The following CAPZB variants were observed in gnomAD, a reference collection of about 807,000 sequenced individuals.
CAPZB encodes F-actin-capping protein subunit beta.
CAPZB carries 2 observed loss-of-function variants against 38.1 expected under a neutral mutation model. The observed-to-expected ratio is 0.05, with a 90% CI of 0.02 to 0.17. The LOEUF (loss-of-function observed/expected upper bound fraction) is 0.17, where lower values mean the gene tolerates loss of function less well. Among genes scored for constraint, CAPZB ranks in the 10% least tolerant of loss-of-function variants. The pLI, the probability that CAPZB is intolerant of heterozygous loss-of-function variation, is 1.00. For missense variants in CAPZB, 161 were observed against 334.2 expected, an observed-to-expected ratio of 0.48 and a Z score of 4.04; for synonymous variants, 107 against 127.4, an observed-to-expected ratio of 0.84 and a Z score of 1.08.
chr1:19,452,357 G>T (rs2094518927), intron 1 of CAPZB, among the ~76,000 whole-genome samples: 1 of 152,214 alleles, frequency 6.6e-6, no homozygotes, highest in Non-Finnish European at 1.5e-5. Flanking sequence ...GGCTCCAGGG[G>T]AGCAAAGGAA....
At chr1:19,449,024 GC>G in intron 1 of CAPZB, 1 of 1,523,776 alleles carries the variant, frequency 6.6e-7, no homozygotes, top group Non-Finnish European at 8.9e-7. Flanking sequence ...GCTGCTCGCT[GC>G]CCGCTCCTGA....
chr1:19,452,907 G>A (rs2094521413), intron 1 of CAPZB, among the ~76,000 whole-genome samples: 1 of 150,118 alleles, frequency 6.7e-6, no homozygotes, highest in South Asian at 2.1e-4. Flanking sequence ...GAGTTCAAGC[G>A]ATTCACCTGC....
At chr1:19,415,877 C>T (rs568867823) in intron 2 of CAPZB, among the ~76,000 whole-genome samples, 1 of 152,378 alleles carries the variant, frequency 6.6e-6, no homozygotes, top group East Asian at 1.9e-4. Context: ...CATGCATTAC[C>T]AGATCCTAAT....
At position 19,369,608 on chromosome 1, in the gene CAPZB, G is replaced by A. The variant is rs972996398; in HGVS notation, c.329+8932C>T. 3.3e-5 allele frequency among the ~76,000 whole-genome samples: 5 copies of A among 152,200 alleles called. No homozygotes were observed. In the East Asian group the frequency reaches 5.8e-4, roughly 18 times the overall value. On this transcript the variant is annotated intron_variant, in intron 4 of 8. Transcript: ENST00000264202. ...TGTGGACATGCCAGAAGCCAGAGAC[G>A]GCCTGGCTCCACCCTGCTGTCCCGA...
chr1:19,449,755 GC>G (rs1433387261), intron 1 of CAPZB, among the ~76,000 whole-genome samples: 1 of 144,522 alleles, frequency 6.9e-6, no homozygotes, highest in Non-Finnish European at 1.5e-5. Flanking sequence ...CTGCACTCTA[GC>G]CTGGTTGACA....
chr1:19,377,757 T>C (rs915998604), intron 4 of CAPZB, among the ~76,000 whole-genome samples: 3 of 152,264 alleles, frequency 2.0e-5, no homozygotes, highest in Non-Finnish European at 4.4e-5. Context: ...TGGCTAACTT[T>C]CTCTGGAGCC....
intron 1 of CAPZB, among the ~76,000 whole-genome samples, chr1:19,472,345 G>A (rs1409846831): frequency 6.6e-6 from 1 of 152,136 alleles, no homozygotes; most frequent in African/African-American, 2.4e-5. Context: ...AACATCTCTG[G>A]GTGGCTCAAA....
chr1:19,449,585 C>T lies in CAPZB; in HGVS notation c.4-29835G>A, dbSNP rs1276123303. Among the ~76,000 whole-genome samples, 3 of 151,946 alleles carry T rather than the reference C, an allele frequency of 2.0e-5. No individual in the cohort carries two copies. In the East Asian group the frequency reaches 5.8e-4, roughly 29 times the overall value. ...GGCAGATCACTTGAGATCAGGAGTT[C>T]GAGACCAGCCTGGCTGACACGGCAA... On this transcript the variant is annotated intron_variant, in intron 1 of 8. Transcript: ENST00000264202.
intron 4 of CAPZB, among the ~76,000 whole-genome samples, chr1:19,365,827 T>A (rs928169912): frequency 1.4e-5 from 2 of 145,580 alleles, no homozygotes; most frequent in Non-Finnish European, 3.0e-5. Context: ...AGAGTGAAAC[T>A]CCGTCTCAAA....
At position 19,356,773 on chromosome 1, in the gene CAPZB, C is replaced by G; in HGVS notation, c.472-22G>C. ...TCTCCTGGAAGGACAAGACAGAGAT[C>G]TGTTGAGCTGAGGGAGAGCCTGAAG... On this transcript the variant is annotated intron_variant, in intron 5 of 8. Transcript: ENST00000264202. This position sits in a 1 kb window ranked among gnomAD's most constrained non-coding sequence, Gnocchi z 4.3. 1 of 1,554,602 alleles carries G rather than the reference C, an allele frequency of 6.4e-7. No homozygotes were observed.
intron 6 of CAPZB, among the ~76,000 whole-genome samples, chr1:19,352,750 G>T (rs1297409835): frequency 6.6e-6 from 1 of 152,254 alleles, no homozygotes; most frequent in East Asian, 1.9e-4. Flanking sequence ...TGTTTACCTT[G>T]TCTTCCAGTT....
At chr1:19,428,339 G>T (rs939353314) in intron 1 of CAPZB, among the ~76,000 whole-genome samples, 64 of 151,838 alleles carry the variant, frequency 4.2e-4, no homozygotes, top group African/African-American at 1.5e-3. Context: ...GAAGGCGAAG[G>T]TTGCAGTGAG....
Position 19,385,650 on chromosome 1 carries a change from C to T in CAPZB, c.94-24G>A, listed in dbSNP as rs185311361. 1,132 of 1,614,068 alleles carry T rather than the reference C, an allele frequency of 7.0e-4. 4 individuals are homozygous for T. In the African/African-American group the frequency reaches 0.013, roughly 18 times the overall value. ...ACCTGGCAGAGAGAAAGGACAAGGTCGAAACAGAGGTTAAAACAGCACACC... is the reference window on the plus strand; with the variant it reads ...ACCTGGCAGAGAGAAAGGACAAGGTTGAAACAGAGGTTAAAACAGCACACC... On this transcript the variant is annotated intron_variant, in intron 2 of 8. Coordinates refer to ENST00000264202, the MANE Select transcript of CAPZB (RefSeq NM_004930.5).
chr1:19,463,296 G>A (rs1207370990), intron 1 of CAPZB, among the ~76,000 whole-genome samples: 5 of 152,128 alleles, frequency 3.3e-5, no homozygotes, highest in Non-Finnish European at 7.4e-5. Context: ...CACTTGTGCC[G>A]CTCTTCTCCA....
At position 19,436,707 on chromosome 1, in the gene CAPZB, T is replaced by G. The variant is rs143491217; in HGVS notation, c.4-16957A>C. Among the ~76,000 whole-genome samples the G allele has an allele frequency of 3.2e-4, 49 of 152,338 alleles. 1 individual carries two copies. The East Asian group carries it at 8.9e-3, about 28-fold the overall frequency. ...AACTGCTATACATACATTATACTGT[T>G]ATTTTAAGGATTATGTGGGGGTAAT... On this transcript the variant is annotated intron_variant, in intron 1 of 8. Coordinates refer to ENST00000264202, the MANE Select transcript of CAPZB (RefSeq NM_004930.5).
chr1:19,390,869 TCCCTG>T (rs1235918074), intron 2 of CAPZB, among the ~76,000 whole-genome samples: 1 of 152,194 alleles, frequency 6.6e-6, no homozygotes, highest in Admixed American at 6.5e-5. Flanking sequence ...CTAGCAGCTC[TCCCTG>T]CCCTTCCCTA....
chr1:19,472,385 G>T (rs532269727), intron 1 of CAPZB, among the ~76,000 whole-genome samples: 3 of 152,326 alleles, frequency 2.0e-5, no homozygotes, highest in African/African-American at 7.2e-5. Flanking sequence ...TAACCTGTCG[G>T]TTATGTAGGC....
intron 2 of CAPZB, among the ~76,000 whole-genome samples, chr1:19,401,452 G>A (rs894966440): frequency 6.6e-6 from 1 of 152,146 alleles, no homozygotes; most frequent in East Asian, 1.9e-4. Context: ...AAACCAATGG[G>A]TGATCAAGGA....
chr1:19,447,885 C>T (rs193073872), intron 1 of CAPZB, among the ~76,000 whole-genome samples: 178 of 152,338 alleles, frequency 1.2e-3, no homozygotes, highest in Admixed American at 3.2e-3. Context: ...AAGCGTAGTT[C>T]ATTTTAGGTT....
Sources: gnomAD v4.1 joint callset for allele counts (sites outside exome capture counted in the v4.1 genomes callset) on GRCh38, gnomAD v4.1.1 for gene constraint, Gnocchi (gnomAD v3.1) non-coding constraint, MANE v1.5 for transcripts, NCBI Gene and HGNC (gene_info 2026-07-23, HGNC 2026-07-21) for gene names.